LAMA3: variants seen among roughly 807,000 people sequenced by gnomAD.
LAMA3 encodes laminin subunit alpha-3.
LAMA3 carries 281 observed loss-of-function variants against 402.0 expected under a neutral mutation model. The observed-to-expected ratio is 0.70, with a 90% CI of 0.63 to 0.77. LAMA3 has a LOEUF of 0.77. Ranked by LOEUF, LAMA3 falls within the 30% of genes least tolerant of loss-of-function variation. LAMA3 has a pLI of 0.00. For missense variants in LAMA3, 3,840 were observed against 4,215.5 expected, an observed-to-expected ratio of 0.91 and a Z score of 2.47; for synonymous variants, 1,431 against 1,558.4, an observed-to-expected ratio of 0.92 and a Z score of 1.93.
chr18:23,827,588 GT>G, intron 23 of LAMA3, 121 bp downstream of exon 23: 2 of 1,118,468 alleles, frequency 1.8e-6, no homozygotes, highest in Non-Finnish European at 2.6e-6. Context: ...TCTCAGAGGT[GT>G]TTATCAACAT....
At chr18:23,932,002 G>GA (rs2082174703) in intron 65 of LAMA3, among the ~76,000 whole-genome samples, 158 bp from the exon 66 acceptor site, 3 of 152,186 alleles carry the variant, frequency 2.0e-5, no homozygotes, top group Admixed American at 6.5e-5. Flanking sequence ...GAAAATACAT[G>GA]AAAAAAGTTG....
rs984660543 is a variant in LAMA3, at chr18:23,894,987, C to A, written c.5542C>A (p.Gln1848Lys). The change falls in exon 44 of 75, where the codon CAG becomes AAG. Residue 1848 changes from glutamine (Q) to lysine (K), a missense_variant. Gln to Lys is a moderately conservative substitution (Grantham distance 53). Around this residue, in one of 3 missense-constraint regions of LAMA3, gnomAD observed 891 missense variants for 857.5 expected, o/e 1.04. Transcript: ENST00000313654. ...GCTCCGCCTGGTCAAGTCTCAGCTG[C>A]AGGGCCTGAGTGCCAGCGCAGGGCT... ...EQLRLVKSQL[Q>K]GLSASAGLLE... The A allele has an allele frequency of 5.0e-6, 8 of 1,613,858 alleles. No individual in the cohort carries two copies. Among genetic ancestry groups the A allele is most frequent in the Non-Finnish European group, 6.8e-6 (8 of 1,179,872 alleles).
chr18:23,758,962 T>C (rs981665286), intron 7 of LAMA3, among the ~76,000 whole-genome samples: 1 of 151,780 alleles, frequency 6.6e-6, no homozygotes, highest in Non-Finnish European at 1.5e-5. Context: ...ATGGTAGGAT[T>C]GAGGAGGATG....
chr18:23,914,595 A>G (rs761802719), intron 57 of LAMA3, 34 bp downstream of exon 57: 4 of 1,613,028 alleles, frequency 2.5e-6, no homozygotes, highest in Non-Finnish European at 3.4e-6. Context: ...TGTGCTCACC[A>G]AACTTCCATG....
At chr18:23,713,874 A>G (rs777091737) in intron 1 of LAMA3, 46 bp from the exon 2 acceptor site, 32 of 1,583,860 alleles carry the variant, frequency 2.0e-5, no homozygotes, top group Non-Finnish European at 2.8e-5. Flanking sequence ...TGAAAGTAAA[A>G]AAATAAAAAA....
chr18:23,816,788 G>A (rs1253903984), intron 18 of LAMA3, among the ~76,000 whole-genome samples: 1 of 152,276 alleles, frequency 6.6e-6, no homozygotes, highest in South Asian at 2.1e-4. Context: ...GGTTCTCAGG[G>A]CTCAACTTCC....
chr18:23,794,994 A>G (rs1194101789), intron 12 of LAMA3, among the ~76,000 whole-genome samples: 1 of 152,186 alleles, frequency 6.6e-6, no homozygotes, highest in East Asian at 1.9e-4. Context: ...TCCAGTTAGA[A>G]TTTGGTTATG....
chr18:23,815,686 C>A, intron 17 of LAMA3, 113 bp downstream of exon 17: 1 of 784,272 alleles, frequency 1.3e-6, no homozygotes, highest in Non-Finnish European at 2.2e-6. Context: ...ATGGAATGGC[C>A]CTGAAACATT....
chr18:23,767,437 AG>A lies in LAMA3; in HGVS notation c.1182+3916del, dbSNP rs2062098218. Among the ~76,000 whole-genome samples the A allele has an allele frequency of 2.6e-5, 4 of 152,324 alleles. No individual in the cohort carries two copies. The South Asian group carries it at 8.3e-4, about 32-fold the overall frequency. ...CCCTAGGCAAAAAGAACAAAGCCAGAGGCATAACATTACCTGACTTCAAACT... is the reference window on the plus strand; with the variant it reads ...CCCTAGGCAAAAAGAACAAAGCCAGAGCATAACATTACCTGACTTCAAACT... On this transcript the variant is annotated intron_variant, in intron 8 of 74. Transcript: ENST00000313654.
In LAMA3 at chr18:23,951,938, G is replaced by A. The variant is rs117998832; in HGVS notation, c.9736+161G>A. Among the ~76,000 whole-genome samples the A allele has an allele frequency of 5.7e-3, 863 of 152,288 alleles. 2 individuals carry two copies. Among genetic ancestry groups the A allele is most frequent in the Non-Finnish European group, 8.3e-3 (568 of 68,038 alleles). ...CATTCACAACCCCAGCCATGCTTCC[G>A]TCACTCATGGTTGCCACCTCCAGTT... On this transcript the variant is annotated intron_variant, in intron 73 of 74. Coordinates refer to ENST00000313654, the MANE Select transcript of LAMA3 (RefSeq NM_198129.4).
At chr18:23,843,240 GTGAGGTCATCTCTGATCTT>G (rs918178283) in intron 29 of LAMA3, among the ~76,000 whole-genome samples, 1 of 152,124 alleles carries the variant, frequency 6.6e-6, no homozygotes, top group African/African-American at 2.4e-5. Flanking sequence ...ACCCACATCT[GTGAGGTCATCTCTGATCTT>G]TCCTGAACTC....
chr18:23,873,927 T>G (rs1297991793), intron 38 of LAMA3, among the ~76,000 whole-genome samples: 2 of 152,222 alleles, frequency 1.3e-5, no homozygotes, highest in Non-Finnish European at 2.9e-5. Flanking sequence ...TAAAAGTGAG[T>G]GTTCAATATA....
chr18:23,851,079 C>T (rs1050785317), intron 32 of LAMA3, among the ~76,000 whole-genome samples: 3 of 152,238 alleles, frequency 2.0e-5, no homozygotes, highest in African/African-American at 7.2e-5. Flanking sequence ...ACTTGGTGTT[C>T]TCAGAACAGA....
At position 23,879,032 on chromosome 18, in the gene LAMA3, C is replaced by T. The variant is rs146633690; in HGVS notation, c.5112+2625C>T. ...TATCCCCGTCACCCCTTATTTTCCTCTCCGTTCCTATTTCCCTCCCCTTTT... is the reference window on the plus strand; with the variant it reads ...TATCCCCGTCACCCCTTATTTTCCTTTCCGTTCCTATTTCCCTCCCCTTTT... On this transcript the variant is annotated intron_variant, in intron 39 of 74. Transcript: ENST00000313654. This position sits in a 1 kb window ranked among gnomAD's most constrained non-coding sequence, Gnocchi z 4.2. Among the ~76,000 whole-genome samples, 172 of 151,922 alleles carry T rather than the reference C, an allele frequency of 1.1e-3. No homozygotes were observed. The highest frequency in any genetic ancestry group is 4.0e-3 in the African/African-American group (165 of 41,404).
chr18:23,706,587 A>G (rs1056745623), intron 1 of LAMA3, among the ~76,000 whole-genome samples: 2 of 152,160 alleles, frequency 1.3e-5, no homozygotes, highest in Non-Finnish European at 2.9e-5. Flanking sequence ...TATTGTGTTT[A>G]TATGTGTTTC....
rs9962512 is a variant in LAMA3 at position 23,773,127 on chromosome 18, G to A, written c.1183-370G>A. 7.6e-3 allele frequency among the ~76,000 whole-genome samples: 1,156 copies of A among 152,354 alleles called. 17 individuals carry two copies. The highest frequency in any genetic ancestry group is 0.027 in the African/African-American group (1,111 of 41,588). ...ACATGACCCTTGGGTTAAACTGTGC[G>A]ATTCATTATCCATTCGTCAGTTCTT... On this transcript the variant is annotated intron_variant, in intron 8 of 74. Transcript: ENST00000313654.
In LAMA3 at chr18:23,902,088, C is replaced by CT. The variant is rs561674221; in HGVS notation, c.6201+765_6201+766insT. On this transcript the variant is annotated intron_variant, in intron 48 of 74. Transcript: ENST00000313654. The stretch of plus-strand genomic sequence containing the variant: ...CTGTAATCCTAACACTTTGAGAGGC[C>CT]AAGGCAAGAGGATTGCTTGGGCCCA... Among the ~76,000 whole-genome samples the CT allele has an allele frequency of 4.3e-3, 658 of 152,222 alleles. 4 individuals are homozygous for CT. The highest frequency in any genetic ancestry group is 0.015 in the African/African-American group (622 of 41,522).
chr18:23,773,570 C>CAG lies in LAMA3; in HGVS notation c.1256_1257insAG (p.Pro420AlafsTer50). On this transcript the variant is annotated frameshift_variant, in exon 9 of 75. Transcript: ENST00000313654. LOFTEE classifies it high-confidence loss of function. ...CGCCCTTATGGGGTTCCAGTGGATG[C>CAG]CCCTGATGGCTGCATCCGTAAGTTT... The CAG allele has an allele frequency of 6.3e-7, 1 of 1,587,282 alleles. No individual in the cohort carries two copies. The highest frequency in any genetic ancestry group is 8.6e-7 in the Non-Finnish European group (1 of 1,163,312).
intron 6 of LAMA3, among the ~76,000 whole-genome samples, chr18:23,757,161 C>T (rs1431152238): frequency 2.0e-5 from 3 of 151,998 alleles, no homozygotes; most frequent in Non-Finnish European, 4.4e-5. Context: ...ACCTGACGCA[C>T]GCTCCTAGGA....
Sources: gnomAD v4.1 joint callset for allele counts (sites outside exome capture counted in the v4.1 genomes callset) on GRCh38, gnomAD v4.1.1 for gene constraint, gnomAD v4.1.1 regional missense constraint, Gnocchi (gnomAD v3.1) non-coding constraint, MANE v1.5 for transcripts, NCBI Gene and HGNC (gene_info 2026-07-23, HGNC 2026-07-21) for gene names.